The following TTC17 variants were observed in gnomAD, a reference collection of about 807,000 sequenced individuals.
TTC17 encodes tetratricopeptide repeat domain 17, also known as tetratricopeptide repeat protein 17.
A neutral mutation model predicts 143.8 loss-of-function variants in TTC17; 58 were observed. The observed-to-expected ratio is 0.40, with a 90% CI of 0.33 to 0.50. The LOEUF is 0.50. Among genes scored for constraint, TTC17 ranks in the 20% least tolerant of loss-of-function variants. TTC17 has a pLI of 0.49. For synonymous variants in TTC17, 501 were observed against 497.8 expected (o/e 1.01, Z -0.09); for missense variants, 1,273 against 1,392.5 (o/e 0.91, Z 1.37).
At chr11:43,443,278 A>ATAC in intron 16 of TTC17, 47 bp from the exon 17 acceptor site, 6 of 1,596,634 alleles carry the variant, frequency 3.8e-6, no homozygotes, top group Non-Finnish European at 5.1e-6. Context: ...AAGGTCTTGA[A>ATAC]TGAGTACTGT....
At chr11:43,475,948 G>C (rs1948176928) in intron 21 of TTC17, among the ~76,000 whole-genome samples, 1 of 152,168 alleles carries the variant, frequency 6.6e-6, no homozygotes, top group African/African-American at 2.4e-5. Flanking sequence ...GAGAATGATG[G>C]CGTTAACACC....
rs145145736 is a variant in TTC17, at chr11:43,405,529, C to T, written c.1495C>T (p.Leu499=). The stretch of plus-strand genomic sequence containing the variant: ...TCTTTATCAGGACAAACAGCATATT[C>T]TATGGCCTAAAAGAGCAGATTGTAC... ...SDAYRDKQHI[L]WPKRADCTES... is the part of the protein sequence containing the mutation. The change falls in exon 12 of 24, where the codon CTA becomes TTA. Residue 499 remains leucine (L), a synonymous_variant. Transcript: ENST00000039989. 1.5e-4 allele frequency: 246 copies of T among 1,613,582 alleles called. No homozygotes were observed. Among genetic ancestry groups the T allele is most frequent in the Non-Finnish European group, 2.0e-4 (241 of 1,179,692 alleles).
rs1460961255 is a variant in TTC17 at position 43,443,515 on chromosome 11, C to T, written c.2442C>T (p.Pro814=). ...GAATACGGGTGCTGAAGAAAGGTCCCCAGGATGGAGTGGCCAGAAGCTCTT... is the reference window on the plus strand; with the variant it reads ...GAATACGGGTGCTGAAGAAAGGTCCTCAGGATGGAGTGGCCAGAAGCTCTT... ...LQGIRVLKKG[P]QDGVARSSCY... is the part of the protein sequence containing the mutation. Residue 814 remains proline (P), a synonymous_variant, in exon 17 of 24, where the codon CCC becomes CCT. Transcript: ENST00000039989. 1 of 1,614,064 alleles carries T rather than the reference C, an allele frequency of 6.2e-7. No individual in the cohort carries two copies. The highest frequency in any genetic ancestry group is 2.2e-5 in the East Asian group (1 of 44,874).
At chr11:43,455,188 G>T (rs1454997652) in intron 21 of TTC17, among the ~76,000 whole-genome samples, 2 of 151,580 alleles carry the variant, frequency 1.3e-5, no homozygotes, top group Non-Finnish European at 3.0e-5. Context: ...AAGAAATTTA[G>T]AATTTCTTGA....
intron 9 of TTC17, among the ~76,000 whole-genome samples, 197 bp downstream of exon 9, chr11:43,400,245 A>G (rs754169163): frequency 6.6e-6 from 1 of 152,134 alleles, no homozygotes; most frequent in Non-Finnish European, 1.5e-5. Context: ...GCTTTTTTCA[A>G]ATTTACATTT....
chr11:43,450,875 CTCTA>C (rs1326928309), intron 20 of TTC17, among the ~76,000 whole-genome samples: 1 of 152,132 alleles, frequency 6.6e-6, no homozygotes, highest in African/African-American at 2.4e-5. Flanking sequence ...GTTAATACCT[CTCTA>C]TATGTCTTTA....
chr11:43,436,371 A>G, intron 16 of TTC17: 1 of 1,241,148 alleles, frequency 8.1e-7, no homozygotes, highest in Non-Finnish European at 1.0e-6. Context: ...TTCTGGGGAA[A>G]AATCAACTCT....
At chr11:43,425,960 G>T (rs1046191592) in intron 16 of TTC17, among the ~76,000 whole-genome samples, 7 of 152,076 alleles carry the variant, frequency 4.6e-5, no homozygotes, top group Non-Finnish European at 8.8e-5. Context: ...TAGCTGTCAG[G>T]CTTTGTTAAT....
At chr11:43,491,186 A>G (rs1156773102) in intron 22 of TTC17, 1 of 152,228 alleles carries the variant, frequency 6.6e-6, no homozygotes, top group African/African-American at 2.4e-5. Context: ...ATCTAGAGTC[A>G]TGCATTCTAT....
chr11:43,404,209 C>T, intron 11 of TTC17, 65 bp downstream of exon 11: 3 of 1,474,372 alleles, frequency 2.0e-6, no homozygotes, highest in Non-Finnish European at 2.8e-6. Flanking sequence ...AGCAGTGGCC[C>T]TCAACCTCAC....
chr11:43,423,552 A>T (rs1163596459), intron 16 of TTC17, among the ~76,000 whole-genome samples: 1 of 152,224 alleles, frequency 6.6e-6, no homozygotes. Flanking sequence ...AGAGGACAAT[A>T]GTAGTGTGTC....
At chr11:43,404,212 A>G in intron 11 of TTC17, 68 bp downstream of exon 11, 2 of 1,470,046 alleles carry the variant, frequency 1.4e-6, no homozygotes, top group Non-Finnish European at 1.8e-6. Flanking sequence ...AGTGGCCCTC[A>G]ACCTCACTGA....
At chr11:43,396,919 C>G (rs1439603114) in intron 6 of TTC17, 101 bp downstream of exon 6, 5 of 530,812 alleles carry the variant, frequency 9.4e-6, no homozygotes, top group Non-Finnish European at 1.6e-5. Flanking sequence ...GCATTATATA[C>G]TTTTCTCCAT....
At chr11:43,486,375 A>G (rs1297369057) in intron 21 of TTC17, 2 of 445,596 alleles carry the variant, frequency 4.5e-6, no homozygotes, top group East Asian at 1.4e-4. Context: ...AGATTGAAAA[A>G]AAATAGTAGA....
chr11:43,400,835 G>A (rs1317615373), intron 9 of TTC17, among the ~76,000 whole-genome samples: 1 of 152,196 alleles, frequency 6.6e-6, no homozygotes, highest in Non-Finnish European at 1.5e-5. Flanking sequence ...TGTTTCTAAT[G>A]ACAAGGGAGC....
intron 21 of TTC17, among the ~76,000 whole-genome samples, chr11:43,476,221 G>A (rs1948181919): frequency 6.6e-6 from 1 of 152,112 alleles, no homozygotes; most frequent in Admixed American, 6.6e-5. Flanking sequence ...TGGAGAAAAA[G>A]CTTCTACCAA....
rs368088631 is a variant in TTC17 at position 43,440,961 on chromosome 11, T to TA, written c.2252-2352dup. 6.6e-4 allele frequency among the ~76,000 whole-genome samples: 98 copies of TA among 147,502 alleles called. 1 individual carries two copies. The highest frequency in any genetic ancestry group is 7.0e-3 in the Middle Eastern group (2 of 284). On this transcript the variant is annotated intron_variant, in intron 16 of 23. Transcript: ENST00000039989. ...CAAATGAGTCTATGCATACATGCTT[T>TA]AAAAAAAAAAAATTGTTAACTCTGG...
chr11:43,490,412 C>T, intron 22 of TTC17, 54 bp downstream of exon 22: 1 of 1,542,532 alleles, frequency 6.5e-7, no homozygotes, highest in Non-Finnish European at 8.8e-7. Flanking sequence ...TTCCATTCCC[C>T]ATGGTTTATT....
At chr11:43,477,902 T>G (rs1115491) in intron 21 of TTC17, among the ~76,000 whole-genome samples, 87,591 of 151,992 alleles carry the variant, frequency 0.58, 26,361 homozygotes, top group African/African-American at 0.73. Flanking sequence ...ATAACATCAG[T>G]ATATTACAGT....
Sources: allele counts gnomAD v4.1 joint callset (sites outside exome capture counted in the v4.1 genomes callset), GRCh38; gene constraint gnomAD v4.1.1; transcripts MANE v1.5; gene names NCBI Gene and HGNC (gene_info 2026-07-23, HGNC 2026-07-21).